IGF2BP2: variants seen among roughly 807,000 people sequenced by gnomAD.
IGF2BP2 encodes insulin-like growth factor 2 mRNA-binding protein 2.
In IGF2BP2, 17 loss-of-function variants were observed where a neutral mutation model predicts 75.8. That is an observed-to-expected ratio of 0.22 (90% confidence interval 0.15 to 0.34). The LOEUF (loss-of-function observed/expected upper bound fraction) is 0.34. IGF2BP2 is among the 10% of genes least tolerant of loss of function. The pLI is 1.00. For synonymous variants in IGF2BP2, 288 were observed against 295.6 expected (o/e 0.97, Z 0.26); for missense variants, 516 against 772.4 (o/e 0.67, Z 3.93).
At chr3:185,703,955 T>C (rs1723659284) in intron 2 of IGF2BP2, among the ~76,000 whole-genome samples, 1 of 152,124 alleles carries the variant, frequency 6.6e-6, no homozygotes, top group African/African-American at 2.4e-5. Context: ...ACATGAATTG[T>C]GAGAACCCAG....
At chr3:185,680,528 C>T (rs1023419548) in intron 7 of IGF2BP2, among the ~76,000 whole-genome samples, 10 of 152,222 alleles carry the variant, frequency 6.6e-5, no homozygotes, top group East Asian at 1.9e-4. Flanking sequence ...CCATTATCTC[C>T]GATGAATATT....
rs1008928472 is a variant in IGF2BP2 at position 185,720,356 on chromosome 3, A to T, written c.240-22009T>A. On this transcript the variant is annotated intron_variant, in intron 2 of 15. Coordinates refer to ENST00000382199, the MANE Select transcript of IGF2BP2 (RefSeq NM_006548.6). ...TTTTATTTAATTAATTAATTAATTT[A>T]TTTTTTAGATGGAGTGTTGCTCTTG... Among the ~76,000 whole-genome samples the T allele has an allele frequency of 5.3e-5, 8 of 152,204 alleles. No individual in the cohort carries two copies. In the South Asian group the frequency reaches 1.2e-3, roughly 24 times the overall value.
intron 2 of IGF2BP2, among the ~76,000 whole-genome samples, chr3:185,734,690 C>T: frequency 6.6e-6 from 1 of 152,178 alleles, no homozygotes; most frequent in East Asian, 1.9e-4. Flanking sequence ...TTTTAATTTT[C>T]CTGCTTACAG....
intron 2 of IGF2BP2, among the ~76,000 whole-genome samples, chr3:185,711,965 T>TC (rs1347991140): frequency 4.6e-5 from 7 of 152,156 alleles, no homozygotes; most frequent in African/African-American, 1.4e-4. Flanking sequence ...AACTCCCCTT[T>TC]CCCAGCTTTG....
chr3:185,677,058 TATATATATATAG>T (rs1180945900), intron 7 of IGF2BP2, among the ~76,000 whole-genome samples: 14 of 54,542 alleles, frequency 2.6e-4, no homozygotes, highest in African/African-American at 6.7e-4. Flanking sequence ...TATATATATA[TATATATATATAG>T]AGAGAGAGAG....
chr3:185,759,449 G>A (rs1016343740), intron 2 of IGF2BP2, among the ~76,000 whole-genome samples: 14 of 152,212 alleles, frequency 9.2e-5, no homozygotes, highest in African/African-American at 1.4e-4. Context: ...TCTGTAAGAT[G>A]ACACTAAATG....
chr3:185,652,286 A>G, intron 12 of IGF2BP2, 118 bp from the exon 13 acceptor site: 1 of 798,414 alleles, frequency 1.3e-6, no homozygotes, highest in Non-Finnish European at 2.0e-6. Context: ...TTCTGCCGTT[A>G]CCCCTGGTTC....
chr3:185,692,431 T>C (rs957338610), intron 5 of IGF2BP2, among the ~76,000 whole-genome samples: 2 of 152,140 alleles, frequency 1.3e-5, no homozygotes, highest in Non-Finnish European at 2.9e-5. Context: ...CTCAACATTT[T>C]TCAAGTCTCT....
intron 7 of IGF2BP2, among the ~76,000 whole-genome samples, chr3:185,686,584 T>A (rs560760359): frequency 6.6e-6 from 1 of 152,166 alleles, no homozygotes; most frequent in Non-Finnish European, 1.5e-5. Context: ...GGTGACAACA[T>A]ACTTTCTACA....
chr3:185,795,902 A>G (rs1737310618), intron 2 of IGF2BP2, among the ~76,000 whole-genome samples: 1 of 152,180 alleles, frequency 6.6e-6, no homozygotes, highest in Admixed American at 6.6e-5. Context: ...AAGAAAAGAA[A>G]AAAGAAAATG....
intron 9 of IGF2BP2, 85 bp downstream of exon 9, chr3:185,675,211 A>C: frequency 7.1e-7 from 1 of 1,410,400 alleles, no homozygotes; most frequent in Non-Finnish European, 9.7e-7. Flanking sequence ...CTGCATACCT[A>C]TCCTAAGGCA....
intron 2 of IGF2BP2, among the ~76,000 whole-genome samples, chr3:185,758,356 G>A (rs1449710178): frequency 1.3e-5 from 2 of 152,134 alleles, no homozygotes; most frequent in Non-Finnish European, 2.9e-5. Context: ...CACAGGCTTC[G>A]GAACTAAGAA....
At chr3:185,734,098 G>A (rs573950640) in intron 2 of IGF2BP2, among the ~76,000 whole-genome samples, 1 of 152,152 alleles carries the variant, frequency 6.6e-6, no homozygotes, top group Non-Finnish European at 1.5e-5. Context: ...CATTTCCTTA[G>A]GAATACAGTA....
At chr3:185,650,188 G>A (rs1359532654) in intron 13 of IGF2BP2, among the ~76,000 whole-genome samples, 2 of 151,114 alleles carry the variant, frequency 1.3e-5, no homozygotes, top group Non-Finnish European at 2.9e-5. Flanking sequence ...CCAAAATGCT[G>A]GGATTACTGG....
At chr3:185,775,065 C>T (rs1160373373) in intron 2 of IGF2BP2, among the ~76,000 whole-genome samples, 9 of 151,762 alleles carry the variant, frequency 5.9e-5, no homozygotes, top group African/African-American at 2.2e-4. Context: ...ATTTTGGCTC[C>T]AACACTTGTC....
intron 2 of IGF2BP2, among the ~76,000 whole-genome samples, chr3:185,763,886 T>C (rs924704695): frequency 2.1e-4 from 32 of 152,126 alleles, no homozygotes; most frequent in Admixed American, 1.6e-3. Flanking sequence ...GGATGGAAAG[T>C]TGACGGGTGG....
In IGF2BP2 at chr3:185,687,143, G is replaced by A; in HGVS notation, c.726C>T (p.Val242=). ...KENSGAAEKP[V]TIHATPEGTS... ...TCCCCTCTGGGGTGGCATGGATGGT[G>A]ACAGGCTTCTCTGCAGCTCCAGAGT... The change falls in exon 7 of 16, where the codon GTC becomes GTT. Residue 242 remains valine (V), a synonymous_variant. Transcript: ENST00000382199. 3 of 1,613,642 alleles carry A rather than the reference G, an allele frequency of 1.9e-6. No individual in the cohort carries two copies. The highest frequency in any genetic ancestry group is 1.1e-5 in the South Asian group (1 of 91,026).
chr3:185,790,102 G>T (rs1736442825), intron 2 of IGF2BP2, among the ~76,000 whole-genome samples: 1 of 152,134 alleles, frequency 6.6e-6, no homozygotes, highest in South Asian at 2.1e-4. Flanking sequence ...CATCATCCCA[G>T]AAGTAGGCTA....
intron 2 of IGF2BP2, among the ~76,000 whole-genome samples, chr3:185,704,791 C>T (rs963878145): frequency 6.6e-6 from 1 of 152,118 alleles, no homozygotes; most frequent in African/African-American, 2.4e-5. Context: ...AACCCAGACA[C>T]CACACGGGAG....
Sources: gnomAD v4.1 joint callset for allele counts (sites outside exome capture counted in the v4.1 genomes callset) on GRCh38, gnomAD v4.1.1 for gene constraint, MANE v1.5 for transcripts, NCBI Gene and HGNC (gene_info 2026-07-23, HGNC 2026-07-21) for gene names.